EYS: variants seen among roughly 807,000 people sequenced by gnomAD.
The protein encoded by EYS is protein eyes shut homolog.
In EYS, 250 loss-of-function variants were observed where a neutral mutation model predicts 282.1. That is an observed-to-expected ratio of 0.89 (90% CI 0.80 to 0.98). The LOEUF is 0.98. Among genes scored for constraint, EYS ranks in the 50% least tolerant of loss-of-function variants. The pLI is 0.00. For synonymous variants in EYS, 1,355 were observed against 1,282.9 expected, an observed-to-expected ratio of 1.06 and a Z score of -1.20; for missense variants, 4,016 against 3,709.0, an observed-to-expected ratio of 1.08 and a Z score of -2.15.
At chr6:64,337,550 T>C (rs1770902011) in intron 29 of EYS, among the ~76,000 whole-genome samples, 1 of 151,874 alleles carries the variant, frequency 6.6e-6, no homozygotes, top group South Asian at 2.1e-4. Context: ...TACCAGATAT[T>C]CAAAGAAGCA....
chr6:64,973,071 C>T (rs1253718401), intron 14 of EYS, among the ~76,000 whole-genome samples: 6 of 151,970 alleles, frequency 3.9e-5, no homozygotes, highest in African/African-American at 1.4e-4. Context: ...TCTGACTTCA[C>T]TATTATTTTG....
At chr6:65,586,832 CTA>C (rs1562273558) in intron 2 of EYS, among the ~76,000 whole-genome samples, 1 of 151,982 alleles carries the variant, frequency 6.6e-6, no homozygotes, top group African/African-American at 2.4e-5. Context: ...ACTAAAATTT[CTA>C]TGATAGACAG....
At chr6:63,780,726 T>C (rs1770200072) in intron 39 of EYS, among the ~76,000 whole-genome samples, 1 of 152,242 alleles carries the variant, frequency 6.6e-6, no homozygotes, top group Non-Finnish European at 1.5e-5. Flanking sequence ...GTAGTTTCTT[T>C]TGCTGTGCAG....
intron 2 of EYS, among the ~76,000 whole-genome samples, chr6:65,496,445 T>A (rs1652754549): frequency 6.6e-6 from 1 of 152,018 alleles, no homozygotes. Context: ...ACTACTTGAT[T>A]AACAAATAAA....
At chr6:64,604,711 T>G (rs567901395) in intron 24 of EYS, among the ~76,000 whole-genome samples, 4 of 152,058 alleles carry the variant, frequency 2.6e-5, no homozygotes, top group Non-Finnish European at 4.4e-5. Context: ...TGCAGGGAGA[T>G]CTTCTAGCAG....
At chr6:65,559,686 A>T (rs1024522639) in intron 2 of EYS, among the ~76,000 whole-genome samples, 6 of 152,150 alleles carry the variant, frequency 3.9e-5, no homozygotes, top group Admixed American at 2.6e-4. Context: ...CGATCTTCTG[A>T]ATAATTATCA....
chr6:64,251,719 T>C (rs576308146), intron 30 of EYS, among the ~76,000 whole-genome samples: 2 of 152,294 alleles, frequency 1.3e-5, no homozygotes, highest in East Asian at 1.9e-4. Flanking sequence ...TCCCTAAATA[T>C]TCATCGTGTG....
At position 63,988,936 on chromosome 6, in the gene EYS, A is replaced by G. The variant is rs539818705; in HGVS notation, c.6835-4333T>C. Among the ~76,000 whole-genome samples the G allele has an allele frequency of 6.6e-5, 10 of 151,736 alleles. 1 individual carries two copies. In the South Asian group the frequency reaches 1.7e-3, roughly 25 times the overall value. ...GGGGAAGTAAAATTTAAAATCCATC[A>G]GGCAGGGGAGAGGGTAGATAAGAAG... is the stretch of plus-strand genomic sequence containing the variant. On this transcript the variant is annotated intron_variant, in intron 34 of 42. Transcript: ENST00000503581.
rs1234287210 is a variant in EYS at position 63,721,370 on chromosome 6, T to G, written c.8661A>C (p.Gly2887=). The G allele has an allele frequency of 2.6e-6, 4 of 1,551,720 alleles. No individual in the cohort carries two copies. The African/African-American group carries it at 4.1e-5, about 16-fold the overall frequency. The stretch of plus-strand genomic sequence containing the variant: ...TTGTGCCATTTACTGTACATTCACC[T>G]CCATTTCTGCATGTGTTGTACCCAC... ...TACGYNTCRN[G]GECTVNGTTF... is the part of the protein sequence containing the mutation. The change falls in exon 43 of 43, where the codon GGA becomes GGC. Residue 2887 remains glycine, a synonymous_variant. Coordinates refer to ENST00000503581, the MANE Select transcript of EYS (RefSeq NM_001142800.2).
chr6:64,736,495 A>G (rs1772186797), intron 22 of EYS, among the ~76,000 whole-genome samples: 1 of 152,194 alleles, frequency 6.6e-6, no homozygotes, highest in African/African-American at 2.4e-5. Flanking sequence ...CTCAGTGACA[A>G]TAAAACTACT....
chr6:65,409,059 G>T (rs1212608701), intron 5 of EYS, among the ~76,000 whole-genome samples: 1 of 152,112 alleles, frequency 6.6e-6, no homozygotes, highest in Non-Finnish European at 1.5e-5. Context: ...TTTTGTGAGG[G>T]TTGAGGAACA....
At chr6:64,842,748 G>A (rs973252647) in intron 19 of EYS, among the ~76,000 whole-genome samples, 1 of 152,016 alleles carries the variant, frequency 6.6e-6, no homozygotes, top group Non-Finnish European at 1.5e-5. Context: ...TGAGAGAGAT[G>A]ATTAAGAGTA....
chr6:65,524,101 A>G (rs532777570), intron 2 of EYS, among the ~76,000 whole-genome samples: 1 of 152,242 alleles, frequency 6.6e-6, no homozygotes, highest in Admixed American at 6.5e-5. Flanking sequence ...CAAACTCCCA[A>G]CCTCAGATGA....
At chr6:65,192,519 C>G (rs1765667886) in intron 12 of EYS, among the ~76,000 whole-genome samples, 1 of 151,676 alleles carries the variant, frequency 6.6e-6, no homozygotes, top group Admixed American at 6.6e-5. Flanking sequence ...ATATCTTTAT[C>G]AGAAGATGTA....
intron 31 of EYS, among the ~76,000 whole-genome samples, chr6:64,181,872 ATAT>A (rs1562241484): frequency 2.0e-5 from 3 of 152,286 alleles, no homozygotes; most frequent in South Asian, 2.1e-4. Flanking sequence ...TTTGTTCGAA[ATAT>A]TATCAATCAG....
chr6:64,286,669 A>C (rs1768513914), intron 30 of EYS, among the ~76,000 whole-genome samples: 3 of 152,166 alleles, frequency 2.0e-5, no homozygotes, highest in African/African-American at 7.2e-5. Flanking sequence ...GTCAAGGTAG[A>C]TTTCCTTTAA....
intron 5 of EYS, among the ~76,000 whole-genome samples, chr6:65,450,483 C>T (rs1231589478): frequency 6.6e-6 from 1 of 152,116 alleles, no homozygotes; most frequent in African/African-American, 2.4e-5. Flanking sequence ...GTAGTCCTGA[C>T]AGAGGTAGAA....
intron 12 of EYS, among the ~76,000 whole-genome samples, chr6:65,230,604 CT>C (rs1382218039): frequency 2.0e-5 from 3 of 151,552 alleles, no homozygotes; most frequent in Non-Finnish European, 3.0e-5. Flanking sequence ...ATTTTCATGT[CT>C]TTTTTTTCCT....
chr6:64,663,692 G>A (rs1769125181), intron 22 of EYS, among the ~76,000 whole-genome samples: 1 of 152,088 alleles, frequency 6.6e-6, no homozygotes, highest in Non-Finnish European at 1.5e-5. Flanking sequence ...AAATATTGAC[G>A]TTGCCTCAAC....
Sources: allele counts gnomAD v4.1 joint callset (sites outside exome capture counted in the v4.1 genomes callset), GRCh38; gene constraint gnomAD v4.1.1; transcripts MANE v1.5; gene names NCBI Gene and HGNC (gene_info 2026-07-23, HGNC 2026-07-21).